Variants in RSRP1 observed in about 807,000 individuals in gnomAD.
RSRP1 encodes arginine and serine rich protein 1.
A neutral mutation model predicts 33.0 loss-of-function variants in RSRP1; 37 were observed. The observed-to-expected ratio is 1.12, with a 90% confidence interval of 0.86 to 1.48. The LOEUF (loss-of-function observed/expected upper bound fraction) is 1.48. Among genes scored for constraint, RSRP1 ranks in the 40% most tolerant of loss-of-function variants. The probability of loss-of-function intolerance (pLI) is 0.00; values close to 1 mark genes in which losing one functional copy is unlikely to be tolerated. For missense variants in RSRP1, 402 were observed against 385.3 expected (o/e 1.04, Z -0.36); for synonymous variants, 167 against 158.7 (o/e 1.05, Z -0.40).
Position 25,302,319 on chromosome 1 carries a change from G to A in RSRP1, c.-67+35659C>T, listed in dbSNP as rs2124677903. Among the ~76,000 whole-genome samples the A allele has an allele frequency of 2.3e-5, 3 of 128,818 alleles. 1 individual carries two copies. In the South Asian group the frequency reaches 7.1e-4, roughly 31 times the overall value. 84.5% of individuals were successfully genotyped at this position (128,818 alleles called of 152,430 possible). On this transcript the variant is annotated intron_variant, in intron 1 of 1. Transcript: ENST00000561867. ...GACAAAACAAGTTCTCATGATGATG[G>A]GGGAAGGGGCTCCAGCTGGTGGTGT... is the stretch of plus-strand genomic sequence containing the variant.
In RSRP1 at chr1:25,286,255, G is replaced by A. The variant is rs1234757375; in HGVS notation, c.-66-39226C>T. Among the ~76,000 whole-genome samples, 4 of 135,544 alleles carry A rather than the reference G, an allele frequency of 3.0e-5. 1 individual carries two copies. The East Asian group carries it at 7.7e-4, about 26-fold the overall frequency. 88.9% of individuals were successfully genotyped at this position (135,544 alleles called of 152,430 possible). A position where few individuals can be genotyped will look rare whatever the true frequency, so the allele number is the denominator to read the frequency against. On this transcript the variant is annotated intron_variant, in intron 1 of 1. Transcript: ENST00000561867. ...TGTAATCCCAGTACTTTTGGGAACC[G>A]AGGTGGGCAGATCACTTGAGCCCAG... is the stretch of plus-strand genomic sequence containing the variant.
Position 25,246,716 on chromosome 1 carries a change from C to T in RSRP1, c.248G>A (p.Arg83Gln), listed in dbSNP as rs1185338974. The change falls in exon 2 of 5, where the codon CGG (arginine) becomes CAG (glutamine). Residue 83 changes from arginine (R) to glutamine (Q), a missense_variant. Physicochemically the swap from Arg to Gln is conservative, Grantham distance 43. Coordinates refer to ENST00000243189, the MANE Select transcript of RSRP1 (RefSeq NM_020317.5). ...KYRRYSRSYS[R>Q]SRSRSRSRRY... ...GCGGCTGCGGGATCGCGACCGGCTC[C>T]GCGAGTATGACCGCGAGTAGCGCCT... 5.0e-6 allele frequency: 8 copies of T among 1,607,610 alleles called. No homozygotes were observed. Among genetic ancestry groups the T allele is most frequent in the Non-Finnish European group, 5.1e-6 (6 of 1,175,358 alleles).
At chr1:25,287,019 G>A (rs1388316614) in intron 1 of RSRP1, among the ~76,000 whole-genome samples, 2 of 134,738 alleles carry the variant, frequency 1.5e-5, no homozygotes, top group African/African-American at 5.1e-5. Flanking sequence ...CTTGAACCCG[G>A]GAGGCGGAGG....
Position 25,297,096 on chromosome 1 carries a change from C to T in RSRP1, c.-67+40882G>A, listed in dbSNP as rs1173855631. Among the ~76,000 whole-genome samples the T allele has an allele frequency of 4.0e-5, 5 of 123,568 alleles. 1 individual carries two copies. The highest frequency in any genetic ancestry group is 1.4e-4 in the African/African-American group (5 of 35,774). The allele number at this position is 123,568 out of a possible 152,430, so 81.1% of individuals were successfully genotyped here. A position where few individuals can be genotyped will look rare whatever the true frequency, so the allele number is the denominator to read the frequency against. The stretch of plus-strand genomic sequence containing the variant: ...TATTTTTTGTGGTCGAGGATTACAT[C>T]TTGCATTTAGTTCTCATGTCTTATT... On this transcript the variant is annotated intron_variant, in intron 1 of 1. Coordinates refer to the RSRP1 transcript ENST00000561867.
chr1:25,258,447 G>A (rs1640016412), intron 1 of RSRP1, among the ~76,000 whole-genome samples: 1 of 152,144 alleles, frequency 6.6e-6, no homozygotes, highest in African/African-American at 2.4e-5. Flanking sequence ...CAAAGTGCTA[G>A]GATTACAGGT....
chr1:25,305,019 CT>C, intron 1 of RSRP1, among the ~76,000 whole-genome samples: 1 of 132,738 alleles, frequency 7.5e-6, no homozygotes, highest in South Asian at 2.3e-4. Context: ...ACTCATCTTG[CT>C]TTTCAAGCTA....
intron 1 of RSRP1, among the ~76,000 whole-genome samples, chr1:25,286,875 C>CTGAG: frequency 7.5e-6 from 1 of 134,056 alleles, no homozygotes; most frequent in South Asian, 2.2e-4. Flanking sequence ...GGTGGATTAC[C>CTGAG]TGAGGTCAGG....
rs528447114 is a variant in RSRP1 at position 25,323,495 on chromosome 1, G to A, written c.-67+14483C>T. On this transcript the variant is annotated intron_variant, in intron 1 of 1. Coordinates refer to the RSRP1 transcript ENST00000561867. Reference sequence around the variant, plus strand: ...TTTGTTTGAGACAGGGTCTCACTCCGCCACCCACACCGTAATGCAGTGGCA... The same window carrying A: ...TTTGTTTGAGACAGGGTCTCACTCCACCACCCACACCGTAATGCAGTGGCA... Among the ~76,000 whole-genome samples the A allele has an allele frequency of 5.6e-5, 7 of 125,082 alleles. 1 individual carries two copies. Among genetic ancestry groups the A allele is most frequent in the East Asian group, 2.0e-4 (1 of 4,956 alleles). 82.1% of individuals were successfully genotyped at this position (125,082 alleles called of 152,430 possible). A position where few individuals can be genotyped will look rare whatever the true frequency, so the allele number is the denominator to read the frequency against.
Position 25,246,844 on chromosome 1 carries a change from G to T in RSRP1, c.120C>A (p.Ser40=), listed in dbSNP as rs762806368. 6.2e-7 allele frequency: 1 copy of T among 1,613,026 alleles called. No individual in the cohort carries two copies. The highest frequency in any genetic ancestry group is 8.5e-7 in the Non-Finnish European group (1 of 1,179,658). Reference sequence around the variant, plus strand: ...CGCGGGAATGGGACCGAGAGCTTCTGGAAAAAGAGCGGCTCCTAGACCGCG... The same window carrying T: ...CGCGGGAATGGGACCGAGAGCTTCTTGAAAAAGAGCGGCTCCTAGACCGCG... ...LSSRSRSRSF[S]RSSRSHSRVS... is the part of the protein sequence containing the mutation. The change falls in exon 2 of 5, where the codon TCC becomes TCA. Residue 40 remains serine, a synonymous_variant. Coordinates refer to ENST00000243189, the MANE Select transcript of RSRP1 (RefSeq NM_020317.5).
At position 25,277,140 on chromosome 1, in the gene RSRP1, T is replaced by A. The variant is rs1392808744; in HGVS notation, c.-66-30111A>T. ...TTGCAATATGAAGAATATAGAGAAATGCATATCAAATCCTTCTCATTGGAC... is the reference window on the plus strand; with the variant it reads ...TTGCAATATGAAGAATATAGAGAAAAGCATATCAAATCCTTCTCATTGGAC... On this transcript the variant is annotated intron_variant, in intron 1 of 1. Transcript: ENST00000561867. Among the ~76,000 whole-genome samples the A allele has an allele frequency of 1.5e-5, 2 of 132,450 alleles. 1 individual carries two copies. Among genetic ancestry groups the A allele is most frequent in the Non-Finnish European group, 3.6e-5 (2 of 55,754 alleles). 86.9% of individuals were successfully genotyped at this position (132,450 alleles called of 152,430 possible).
chr1:25,308,141 G>T lies in RSRP1; in HGVS notation c.-67+29837C>A, dbSNP rs1387047754. 9.0e-5 allele frequency among the ~76,000 whole-genome samples: 11 copies of T among 122,326 alleles called. 2 individuals are homozygous for T. Among genetic ancestry groups the T allele is most frequent in the Non-Finnish European group, 1.9e-4 (10 of 52,546 alleles). The allele number at this position is 122,326 out of a possible 152,430, so 80.3% of individuals were successfully genotyped here. A position where few individuals can be genotyped will look rare whatever the true frequency, so the allele number is the denominator to read the frequency against. ...TGCCAGATCCAATGACTTCTCAAGA[G>T]CTCAAAATCTAGAGTTTTGCATGTG... On this transcript the variant is annotated intron_variant, in intron 1 of 1. Transcript: ENST00000561867.
intron 1 of RSRP1, among the ~76,000 whole-genome samples, chr1:25,284,229 A>G (rs550747641): frequency 1.8e-4 from 24 of 136,168 alleles, no homozygotes; most frequent in Non-Finnish European, 3.2e-4. Flanking sequence ...CTGAGTGTCC[A>G]TGTGCGTCAA....
rs1217784683 is a variant in RSRP1, at chr1:25,321,177, G to A, written c.-67+16801C>T. On this transcript the variant is annotated intron_variant, in intron 1 of 1. Transcript: ENST00000561867. Reference sequence around the variant, plus strand: ...CTGAGGTTCCCAGGAGTTGACTGGAGCCAGAGAAGACAGACCTATAGGAGC... The same window carrying A: ...CTGAGGTTCCCAGGAGTTGACTGGAACCAGAGAAGACAGACCTATAGGAGC... Among the ~76,000 whole-genome samples the A allele has an allele frequency of 4.6e-5, 6 of 130,172 alleles. 2 individuals carry two copies. The highest frequency in any genetic ancestry group is 1.5e-4 in the Admixed American group (2 of 13,166). The allele number at this position is 130,172 out of a possible 152,430, so 85.4% of individuals were successfully genotyped here.
chr1:25,252,951 G>A (rs1198197836), intron 1 of RSRP1, among the ~76,000 whole-genome samples: 1 of 152,204 alleles, frequency 6.6e-6, no homozygotes, highest in African/African-American at 2.4e-5. Flanking sequence ...ATTGCCTCGA[G>A]GCAGATGATG....
At chr1:25,274,727 C>A (rs1380797838) in intron 1 of RSRP1, among the ~76,000 whole-genome samples, 1 of 133,912 alleles carries the variant, frequency 7.5e-6, no homozygotes, top group Non-Finnish European at 1.8e-5. Flanking sequence ...AAACAAAGGG[C>A]CGGGCGACGT....
chr1:25,292,126 G>T (rs773571865), intron 1 of RSRP1, among the ~76,000 whole-genome samples: 1 of 131,890 alleles, frequency 7.6e-6, no homozygotes, highest in Non-Finnish European at 1.8e-5. Flanking sequence ...ACCACATAGG[G>T]TTTTGAGGGA....
At chr1:25,302,608 G>A (rs1321521735) in intron 1 of RSRP1, among the ~76,000 whole-genome samples, 2 of 129,804 alleles carry the variant, frequency 1.5e-5, no homozygotes, top group African/African-American at 5.3e-5. Context: ...TCCGGTTCTG[G>A]AGCAGTGAAG....
chr1:25,246,399 G>A (rs1165580383), intron 2 of RSRP1, 45 bp downstream of exon 2: 2 of 1,593,716 alleles, frequency 1.3e-6, no homozygotes, highest in African/African-American at 1.3e-5. Context: ...CTCATATACT[G>A]CCACCATACA....
Position 25,246,917 on chromosome 1 carries a change from T to C in RSRP1, c.47A>G (p.Lys16Arg). The C allele has an allele frequency of 6.3e-7, 1 of 1,597,206 alleles. No individual in the cohort carries two copies. The highest frequency in any genetic ancestry group is 8.6e-7 in the Non-Finnish European group (1 of 1,168,732). The change falls in exon 2 of 5, where the codon AAG becomes AGG. Residue 16 changes from lysine to arginine, a missense_variant. Transcript: ENST00000243189. ...NDMWPGSPQE[K>R]DSPSTSRSGG... ...CGACCGCGAGGTCGAGGGCGAATCCTTCTCCTGCGGCGAGCCCGGCCACAT... is the reference window on the plus strand; with the variant it reads ...CGACCGCGAGGTCGAGGGCGAATCCCTCTCCTGCGGCGAGCCCGGCCACAT...
Sources: allele counts gnomAD v4.1 joint callset (sites outside exome capture counted in the v4.1 genomes callset), GRCh38; gene constraint gnomAD v4.1.1; transcripts MANE v1.5; gene names NCBI Gene and HGNC (gene_info 2026-07-23, HGNC 2026-07-21).